ME1: variants seen among roughly 807,000 people sequenced by gnomAD.
ME1 encodes the protein NADP-dependent malic enzyme.
A neutral mutation model predicts 66.4 loss-of-function variants in ME1; 74 were observed. The ratio of observed to expected loss-of-function variants is 1.11; its 90% CI spans 0.92 to 1.35. The LOEUF is 1.35. Ranked by LOEUF, ME1 falls within the 40% of genes most tolerant of loss-of-function variation. The pLI is 0.00. For missense variants in ME1, 750 were observed against 694.1 expected (o/e 1.08, Z -0.90); for synonymous variants, 251 against 235.6 (o/e 1.07, Z -0.60).
At position 83,339,896 on chromosome 6, in the gene ME1, A is replaced by G. The variant is rs1768542254; in HGVS notation, c.600+6277T>C. Among the ~76,000 whole-genome samples, 3 of 137,068 alleles carry G rather than the reference A, an allele frequency of 2.2e-5. No individual in the cohort carries two copies. In the South Asian group the frequency reaches 7.5e-4, roughly 34 times the overall value. 89.9% of individuals were successfully genotyped at this position (137,068 alleles called of 152,430 possible). ...GATGACACGTTAGTGGGTGCAGCGCACCAGCATGGCACATGTATACATATG... is the reference window on the plus strand; with the variant it reads ...GATGACACGTTAGTGGGTGCAGCGCGCCAGCATGGCACATGTATACATATG... On this transcript the variant is annotated intron_variant, in intron 5 of 13. Transcript: ENST00000369705.
intron 1 of ME1, among the ~76,000 whole-genome samples, chr6:83,417,189 A>G (rs944557751): frequency 2.6e-5 from 4 of 152,052 alleles, no homozygotes; most frequent in African/African-American, 9.7e-5. Context: ...AGCTGGAACT[A>G]TACGCATACA....
chr6:83,392,386 G>A (rs570585923), intron 3 of ME1: 75 of 474,978 alleles, frequency 1.6e-4, no homozygotes, highest in Non-Finnish European at 2.6e-4. Context: ...GCATCTTCTC[G>A]TGCATTGCCA....
intron 3 of ME1, among the ~76,000 whole-genome samples, chr6:83,358,306 A>G (rs1768938115): frequency 6.6e-6 from 1 of 152,074 alleles, no homozygotes; most frequent in South Asian, 2.1e-4. Context: ...TCTATACCTA[A>G]TATCTTTGAG....
chr6:83,345,968 A>C (rs556299420), intron 5 of ME1, among the ~76,000 whole-genome samples: 1 of 152,312 alleles, frequency 6.6e-6, no homozygotes, highest in Admixed American at 6.5e-5. Context: ...TAGGGAAGCA[A>C]ATAAAAGATT....
intron 3 of ME1, among the ~76,000 whole-genome samples, chr6:83,384,910 A>G (rs1014219228): frequency 2.0e-5 from 3 of 151,698 alleles, no homozygotes; most frequent in African/African-American, 7.3e-5. Flanking sequence ...GTTATTGTTG[A>G]CTTTGTCAAA....
At chr6:83,406,465 T>G (rs866489991) in intron 2 of ME1, among the ~76,000 whole-genome samples, 1 of 152,172 alleles carries the variant, frequency 6.6e-6, no homozygotes, top group African/African-American at 2.4e-5. Context: ...ATCCTGGGTT[T>G]TTTTCGTTGG....
chr6:83,242,815 C>T (rs968469738), intron 7 of ME1, among the ~76,000 whole-genome samples: 52 of 152,098 alleles, frequency 3.4e-4, no homozygotes, highest in African/African-American at 1.2e-3. Context: ...ACTTAGCAGA[C>T]TTGAGAAAGC....
At chr6:83,419,129 A>AG (rs1554164165) in intron 1 of ME1, among the ~76,000 whole-genome samples, 2 of 151,906 alleles carry the variant, frequency 1.3e-5, no homozygotes, top group Non-Finnish European at 2.9e-5. Context: ...ACATTATCCT[A>AG]AGTATGGGAA....
At chr6:83,342,505 C>T (rs1003061774) in intron 5 of ME1, among the ~76,000 whole-genome samples, 2 of 152,024 alleles carry the variant, frequency 1.3e-5, no homozygotes, top group African/African-American at 2.4e-5. Context: ...TTTCTTACAC[C>T]GATATTACCT....
chr6:83,284,255 CA>C (rs1180338923), intron 6 of ME1, among the ~76,000 whole-genome samples: 1 of 151,820 alleles, frequency 6.6e-6, no homozygotes, highest in Admixed American at 6.6e-5. Flanking sequence ...CCCTACCAAC[CA>C]AAAAAATCCC....
At chr6:83,342,168 G>A (rs758524720) in intron 5 of ME1, among the ~76,000 whole-genome samples, 1 of 152,138 alleles carries the variant, frequency 6.6e-6, no homozygotes, top group Non-Finnish European at 1.5e-5. Flanking sequence ...ACACTAATTG[G>A]CCAATGGGAA....
At chr6:83,243,103 A>AT (rs1254110751) in intron 7 of ME1, among the ~76,000 whole-genome samples, 16 of 148,226 alleles carry the variant, frequency 1.1e-4, no homozygotes, top group South Asian at 2.1e-4. Flanking sequence ...CCCCCCAAAA[A>AT]TTTTTTTTTT....
intron 5 of ME1, among the ~76,000 whole-genome samples, chr6:83,323,453 A>T (rs1435694857): frequency 1.3e-5 from 2 of 152,038 alleles, no homozygotes; most frequent in Non-Finnish European, 2.9e-5. Flanking sequence ...AAAGGGATGG[A>T]GGAAGATTTA....
At chr6:83,368,442 A>G (rs1769140040) in intron 3 of ME1, among the ~76,000 whole-genome samples, 1 of 152,112 alleles carries the variant, frequency 6.6e-6, no homozygotes, top group African/African-American at 2.4e-5. Flanking sequence ...TGCTTGTACT[A>G]ATAAGCTTGG....
At chr6:83,263,163 T>C (rs1306859154) in intron 6 of ME1, among the ~76,000 whole-genome samples, 1 of 152,174 alleles carries the variant, frequency 6.6e-6, no homozygotes, top group Admixed American at 6.6e-5. Flanking sequence ...TAATTGCATA[T>C]AAGATGGCAA....
At chr6:83,393,837 C>T (rs2128550171) in intron 3 of ME1, among the ~76,000 whole-genome samples, 1 of 152,022 alleles carries the variant, frequency 6.6e-6, no homozygotes, top group African/African-American at 2.4e-5. Flanking sequence ...ATACATTACC[C>T]AGAGAAGACA....
At chr6:83,378,000 ACT>A (rs977782705) in intron 3 of ME1, among the ~76,000 whole-genome samples, 1 of 152,026 alleles carries the variant, frequency 6.6e-6, no homozygotes, top group African/African-American at 2.4e-5. Flanking sequence ...GGCAAGATTT[ACT>A]CTGTTTTCTC....
chr6:83,272,174 C>CTGA (rs1178539018), intron 6 of ME1, among the ~76,000 whole-genome samples: 1 of 152,122 alleles, frequency 6.6e-6, no homozygotes, highest in Non-Finnish European at 1.5e-5. Flanking sequence ...ACCAACTCAC[C>CTGA]TGATATATTA....
At chr6:83,407,943 G>A (rs530087065) in intron 1 of ME1, 42 bp from the exon 2 acceptor site, 4 of 1,523,750 alleles carry the variant, frequency 2.6e-6, no homozygotes, top group Non-Finnish European at 3.5e-6. Flanking sequence ...CAGTATTTGA[G>A]AGGAAAATAG....
Sources: allele counts gnomAD v4.1 joint callset (sites outside exome capture counted in the v4.1 genomes callset), GRCh38; gene constraint gnomAD v4.1.1; transcripts MANE v1.5; gene names NCBI Gene and HGNC (gene_info 2026-07-23, HGNC 2026-07-21).